Variants in TMC2 observed in about 807,000 individuals in gnomAD.
TMC2 encodes the protein transmembrane channel like 2, also known as transmembrane channel-like protein 2.
Under a neutral mutation model 105.9 loss-of-function variants are expected in TMC2, and 102 were observed. That is an observed-to-expected ratio of 0.96 (90% CI 0.82 to 1.14). TMC2 has a LOEUF of 1.14. Among genes scored for constraint, TMC2 ranks in the 50% most tolerant of loss-of-function variants. The pLI is 0.00. For synonymous variants in TMC2, 402 were observed against 422.8 expected (o/e 0.95, Z 0.60); for missense variants, 1,093 against 1,134.3 (o/e 0.96, Z 0.52).
rs112065025 is a variant in TMC2, at chr20:2,567,530, G to A, written c.555-4649G>A. Among the ~76,000 whole-genome samples the A allele has an allele frequency of 2.7e-3, 412 of 152,258 alleles. 3 individuals carry two copies. The highest frequency in any genetic ancestry group is 8.1e-3 in the African/African-American group (335 of 41,544). ...TAACACCAAGATGACAGAGATGTTA[G>A]AATTGTCTGACAAAGGTTTTATTTT... is the stretch of plus-strand genomic sequence containing the variant. On this transcript the variant is annotated intron_variant, in intron 4 of 19. Coordinates refer to ENST00000358864, the MANE Select transcript of TMC2 (RefSeq NM_080751.3).
At chr20:2,599,539 A>ATTTTTTTTTTTT (rs11409325) in intron 10 of TMC2, among the ~76,000 whole-genome samples, 1 of 85,514 alleles carries the variant, frequency 1.2e-5, no homozygotes, top group African/African-American at 4.9e-5. Flanking sequence ...CTTTAATTAC[A>ATTTTTTTTTTTT]TTTTTTTTTT....
intron 2 of TMC2, among the ~76,000 whole-genome samples, chr20:2,554,122 A>C (rs908731986): frequency 5.9e-5 from 9 of 152,162 alleles, no homozygotes; most frequent in African/African-American, 1.9e-4. Flanking sequence ...TCCTGACCTC[A>C]GGTGATCCAT....
At chr20:2,596,711 AT>A in intron 9 of TMC2, among the ~76,000 whole-genome samples, 1 of 68,698 alleles carries the variant, frequency 1.5e-5, no homozygotes, top group Non-Finnish European at 3.6e-5. Flanking sequence ...TCAGAAAAAA[AT>A]ATATATGTGT....
chr20:2,580,170 C>T, intron 7 of TMC2, 114 bp downstream of exon 7: 2 of 553,706 alleles, frequency 3.6e-6, no homozygotes, highest in Non-Finnish European at 6.2e-6. Flanking sequence ...ATTTAAAATG[C>T]TATTAGGCTG....
chr20:2,544,298 G>C (rs2085910154), intron 2 of TMC2, among the ~76,000 whole-genome samples: 1 of 152,038 alleles, frequency 6.6e-6, no homozygotes, highest in Non-Finnish European at 1.5e-5. Context: ...TAAAACTCTG[G>C]AGATCCCACA....
chr20:2,580,649 C>A (rs777355602), intron 7 of TMC2, among the ~76,000 whole-genome samples: 10 of 152,056 alleles, frequency 6.6e-5, no homozygotes, highest in Admixed American at 3.9e-4. Flanking sequence ...GTGATGTGAT[C>A]GTGGTTCAGT....
chr20:2,568,033 T>G (rs2086076701), intron 4 of TMC2, among the ~76,000 whole-genome samples: 1 of 152,186 alleles, frequency 6.6e-6, no homozygotes, highest in African/African-American at 2.4e-5. Flanking sequence ...TTAGTATCGT[T>G]GGAATTCCAG....
In TMC2 at chr20:2,546,680, A is replaced by G. The variant is rs139286643; in HGVS notation, c.82+9364A>G. On this transcript the variant is annotated intron_variant, in intron 2 of 19. Coordinates refer to ENST00000358864, the MANE Select transcript of TMC2 (RefSeq NM_080751.3). Reference sequence around the variant, plus strand: ...TTCACCAGCATGTTAGTCATTACCTAATGGAGTCCTTCCAACTGGGGTTCT... The same window carrying G: ...TTCACCAGCATGTTAGTCATTACCTGATGGAGTCCTTCCAACTGGGGTTCT... Among the ~76,000 whole-genome samples, 776 of 152,278 alleles carry G rather than the reference A, an allele frequency of 5.1e-3. 15 individuals carry two copies. The highest frequency in any genetic ancestry group is 0.018 in the African/African-American group (729 of 41,554).
chr20:2,562,956 G>GAAAGA lies in TMC2; in HGVS notation c.554+959_554+963dup, dbSNP rs1415477469. ...GGGAGACTCTGTATCAAAAAAAAAA[G>GAAAGA]AAAGAAAAGAAAAGAAATAACAGCA... is the stretch of plus-strand genomic sequence containing the variant. On this transcript the variant is annotated intron_variant, in intron 4 of 19. Coordinates refer to ENST00000358864, the MANE Select transcript of TMC2 (RefSeq NM_080751.3). Among the ~76,000 whole-genome samples the GAAAGA allele has an allele frequency of 2.0e-5, 3 of 151,600 alleles. No homozygotes were observed. In the South Asian group the frequency reaches 6.3e-4, roughly 32 times the overall value.
In TMC2 at chr20:2,548,130, C is replaced by G. The variant is rs1214401724; in HGVS notation, c.83-10326C>G. 4.6e-5 allele frequency among the ~76,000 whole-genome samples: 7 copies of G among 152,312 alleles called. No individual in the cohort carries two copies. In the East Asian group the frequency reaches 1.3e-3, roughly 29 times the overall value. ...TGGATAATTGTCAACTGTCACACAT[C>G]AGCATTTTAGACTAGCAGAGCTCCT... On this transcript the variant is annotated intron_variant, in intron 2 of 19. Coordinates refer to ENST00000358864, the MANE Select transcript of TMC2 (RefSeq NM_080751.3).
At chr20:2,543,930 T>C (rs746471431) in intron 2 of TMC2, among the ~76,000 whole-genome samples, 42 of 145,640 alleles carry the variant, frequency 2.9e-4, no homozygotes, top group Non-Finnish European at 6.1e-4. Context: ...TGAGACAGAG[T>C]CTCGCTCTGT....
rs375915161 is a variant in TMC2 at position 2,635,983 on chromosome 20, G to C, written c.2364G>C (p.Gln788His). ...AAAGCCTTTCCCGAGCTAATGCCCA[G>C]CTGAGGAAGAAAATCCAAGTGGTGA... ...VSKSLSRANA[Q>H]LRKKIQVLRE... The change falls in exon 18 of 20, where the codon CAG (glutamine) becomes CAC (histidine). Residue 788 changes from glutamine to histidine, a missense_variant. By Grantham distance (24) the Gln-to-His change is conservative. Transcript: ENST00000358864. The C allele has an allele frequency of 6.2e-7, 1 of 1,614,000 alleles. No individual in the cohort carries two copies. Among genetic ancestry groups the C allele is most frequent in the African/African-American group, 1.3e-5 (1 of 74,932 alleles).
At chr20:2,561,733 T>A (rs1023998961) in intron 3 of TMC2, 125 bp from the exon 4 acceptor site, 2 of 1,230,034 alleles carry the variant, frequency 1.6e-6, no homozygotes, top group African/African-American at 3.0e-5. Flanking sequence ...GCAATGGGAG[T>A]CACTAATGGC....
chr20:2,594,206 ATACTGT>A (rs959638821), intron 8 of TMC2, among the ~76,000 whole-genome samples: 5 of 147,460 alleles, frequency 3.4e-5, no homozygotes, highest in African/African-American at 1.3e-4. Context: ...GTTCCCAACT[ATACTGT>A]TACTAAGGAT....
At chr20:2,580,895 G>T (rs2146199816) in intron 7 of TMC2, among the ~76,000 whole-genome samples, 1 of 152,296 alleles carries the variant, frequency 6.6e-6, no homozygotes, top group African/African-American at 2.4e-5. Context: ...TGATGGCTTA[G>T]GGTCTTTTCC....
intron 7 of TMC2, among the ~76,000 whole-genome samples, chr20:2,580,864 T>C (rs1038550628): frequency 6.6e-6 from 1 of 152,194 alleles, no homozygotes; most frequent in African/African-American, 2.4e-5. Context: ...TCATTGTGAA[T>C]TGGATCTCAG....
At chr20:2,632,585 T>A (rs908500451) in intron 17 of TMC2, among the ~76,000 whole-genome samples, 5 of 151,664 alleles carry the variant, frequency 3.3e-5, no homozygotes, top group Non-Finnish European at 5.9e-5. Flanking sequence ...ATTTTTGGGG[T>A]TTTTTGTTTT....
chr20:2,634,866 A>G (rs1367218933), intron 17 of TMC2, among the ~76,000 whole-genome samples: 1 of 152,094 alleles, frequency 6.6e-6, no homozygotes, highest in Non-Finnish European at 1.5e-5. Flanking sequence ...TCCTTGCTTC[A>G]GAAGGCTCAC....
At chr20:2,572,098 A>T (rs1445174408) in intron 4 of TMC2, 81 bp from the exon 5 acceptor site, 1 of 1,031,778 alleles carries the variant, frequency 9.7e-7, no homozygotes. Context: ...GCCTTCACAC[A>T]TGTGTTTGAG....
Sources: allele counts gnomAD v4.1 joint callset (sites outside exome capture counted in the v4.1 genomes callset), GRCh38; gene constraint gnomAD v4.1.1; transcripts MANE v1.5; gene names NCBI Gene and HGNC (gene_info 2026-07-23, HGNC 2026-07-21).